RABGAP1L: variants seen among roughly 807,000 people sequenced by gnomAD.
RABGAP1L encodes the protein RAB GTPase activating protein 1 like, also known as rab GTPase-activating protein 1-like.
In RABGAP1L, 63 loss-of-function variants were observed where a neutral mutation model predicts 137.7. The ratio of observed to expected loss-of-function variants is 0.46; its 90% CI spans 0.37 to 0.56. The LOEUF (loss-of-function observed/expected upper bound fraction) is 0.56. Ranked by LOEUF, RABGAP1L falls within the 20% of genes least tolerant of loss-of-function variation. RABGAP1L has a pLI of 0.00. For synonymous variants in RABGAP1L, 431 were observed against 433.7 expected (o/e 0.99, Z 0.08); for missense variants, 1,095 against 1,244.0 (o/e 0.88, Z 1.80).
chr1:174,253,369 A>G (rs1195125360), intron 7 of RABGAP1L, among the ~76,000 whole-genome samples: 1 of 152,216 alleles, frequency 6.6e-6, no homozygotes, highest in East Asian at 1.9e-4. Context: ...AAATGTACGT[A>G]TGTCCTTTTT....
rs188774456 is a variant in RABGAP1L at position 174,189,130 on chromosome 1, C to T, written c.-34+29473C>T. ...ACGCCATTCTCCTGCCTCAGCCTCC[C>T]GAGTAGCTGGGACTACAGGCGCCTG... On this transcript the variant is annotated intron_variant, in intron 1 of 25. Coordinates refer to ENST00000681986, the MANE Select transcript of RABGAP1L (RefSeq NM_001366446.1). 2.2e-4 allele frequency among the ~76,000 whole-genome samples: 33 copies of T among 152,188 alleles called. No homozygotes were observed. The East Asian group carries it at 5.4e-3, about 25-fold the overall frequency.
chr1:174,846,012 G>A (rs1166434602), intron 19 of RABGAP1L, among the ~76,000 whole-genome samples: 1 of 147,318 alleles, frequency 6.8e-6, no homozygotes, highest in African/African-American at 2.5e-5. Context: ...GTTTATTTGT[G>A]TAGAGGTGTT....
intron 13 of RABGAP1L, among the ~76,000 whole-genome samples, chr1:174,560,133 CAG>C (rs1572326844): frequency 7.0e-6 from 1 of 142,398 alleles, no homozygotes; most frequent in Admixed American, 7.0e-5. Flanking sequence ...GACTCTGTCT[CAG>C]AAAAAAAAAA....
intron 19 of RABGAP1L, among the ~76,000 whole-genome samples, chr1:174,907,557 C>T (rs1297870098): frequency 6.6e-6 from 1 of 152,100 alleles, no homozygotes; most frequent in African/African-American, 2.4e-5. Context: ...TCAAATGATC[C>T]ACCCACCTCG....
rs557637619 is a variant in RABGAP1L at position 174,825,980 on chromosome 1, A to G, written c.2340+14020A>G. Among the ~76,000 whole-genome samples, 17 of 152,292 alleles carry G rather than the reference A, an allele frequency of 1.1e-4. No homozygotes were observed. The South Asian group carries it at 3.5e-3, about 32-fold the overall frequency. On this transcript the variant is annotated intron_variant, in intron 19 of 25. Coordinates refer to ENST00000681986, the MANE Select transcript of RABGAP1L (RefSeq NM_001366446.1). ...TGCGAGATGCTGAGGCTTGGAGTACAAAGGAATCTCTCACCCAGATAGTGA... is the reference window on the plus strand; with the variant it reads ...TGCGAGATGCTGAGGCTTGGAGTACGAAGGAATCTCTCACCCAGATAGTGA...
Position 174,241,604 on chromosome 1 carries a change from C to G in RABGAP1L, c.664C>G (p.His222Asp), listed in dbSNP as rs962475461. ...TTGCTTTGCATTTACAGAGAGTTCC[C>G]ATGGTTCGGAAGAATTTCAGATACA... ...SNCFAFTESS[H>D]GSEEFQIHVF... The change falls in exon 5 of 26, where the codon CAT (histidine) becomes GAT (aspartate). Residue 222 changes from histidine (H) to aspartate (D), a missense_variant. Physicochemically the swap from His to Asp is moderately conservative, Grantham distance 81 (BLOSUM62 -1). Coordinates refer to ENST00000681986, the MANE Select transcript of RABGAP1L (RefSeq NM_001366446.1). 6 of 1,613,836 alleles carry G rather than the reference C, an allele frequency of 3.7e-6. No individual in the cohort carries two copies. Among genetic ancestry groups the G allele is most frequent in the Non-Finnish European group, 5.1e-6 (6 of 1,179,928 alleles).
chr1:174,697,087 C>T (rs533978327), intron 15 of RABGAP1L, among the ~76,000 whole-genome samples: 149 of 152,314 alleles, frequency 9.8e-4, no homozygotes, highest in Non-Finnish European at 7.5e-4. Flanking sequence ...GGCACTATAC[C>T]TTTATCTCTG....
At chr1:174,364,253 T>C in intron 11 of RABGAP1L, among the ~76,000 whole-genome samples, 1 of 100,018 alleles carries the variant, frequency 1.0e-5, no homozygotes, top group African/African-American at 4.2e-5. Flanking sequence ...CTTTTTTTTT[T>C]TTTTTTTTTT....
rs187790585 is a variant in RABGAP1L, at chr1:174,768,696, G to C, written c.2211+16342G>C. 1.5e-4 allele frequency among the ~76,000 whole-genome samples: 23 copies of C among 152,308 alleles called. No individual in the cohort carries two copies. In the East Asian group the frequency reaches 4.4e-3, roughly 29 times the overall value. On this transcript the variant is annotated intron_variant, in intron 18 of 25. Coordinates refer to ENST00000681986, the MANE Select transcript of RABGAP1L (RefSeq NM_001366446.1). ...AAGTCAAGGGTCAGACAGTATACTTGAATCTCTCAAGTTGCCTGCTTGGCT... is the reference window on the plus strand; with the variant it reads ...AAGTCAAGGGTCAGACAGTATACTTCAATCTCTCAAGTTGCCTGCTTGGCT...
chr1:174,454,141 T>C (rs910613550), intron 13 of RABGAP1L, among the ~76,000 whole-genome samples: 8 of 152,024 alleles, frequency 5.3e-5, no homozygotes, highest in African/African-American at 1.9e-4. Context: ...CATGCACCTG[T>C]AGTCCCAGCC....
intron 13 of RABGAP1L, among the ~76,000 whole-genome samples, chr1:174,576,860 G>A (rs997492480): frequency 1.3e-5 from 2 of 151,980 alleles, no homozygotes; most frequent in African/African-American, 4.8e-5. Context: ...GCTAAATAAC[G>A]GAGCTATCTT....
intron 1 of RABGAP1L, among the ~76,000 whole-genome samples, chr1:174,185,320 A>G (rs1227949485): frequency 6.6e-6 from 1 of 152,242 alleles, no homozygotes; most frequent in Non-Finnish European, 1.5e-5. Context: ...ACTGAGGTGG[A>G]GAAAAGTGTA....
At chr1:174,913,382 G>A (rs1660357095) in intron 19 of RABGAP1L, among the ~76,000 whole-genome samples, 1 of 152,146 alleles carries the variant, frequency 6.6e-6, no homozygotes, top group South Asian at 2.1e-4. Flanking sequence ...GTGTGAGAAG[G>A]GTAGCAGCAC....
chr1:174,279,593 C>T (rs541832247), intron 10 of RABGAP1L, among the ~76,000 whole-genome samples: 2 of 152,132 alleles, frequency 1.3e-5, no homozygotes, highest in South Asian at 2.1e-4. Context: ...AAAAAACTGC[C>T]ATGGCGCATC....
At chr1:174,431,534 C>T (rs567376213) in intron 13 of RABGAP1L, among the ~76,000 whole-genome samples, 10 of 152,284 alleles carry the variant, frequency 6.6e-5, no homozygotes, top group African/African-American at 2.4e-4. Context: ...TGGCACTTTA[C>T]TCATAGAGCA....
intron 17 of RABGAP1L, among the ~76,000 whole-genome samples, chr1:174,723,308 C>T (rs1442229360): frequency 1.3e-5 from 2 of 152,152 alleles, no homozygotes; most frequent in African/African-American, 4.8e-5. Flanking sequence ...CTCCTGACTT[C>T]AGGTGATCCA....
At chr1:174,774,550 A>AT (rs575961663) in intron 18 of RABGAP1L, among the ~76,000 whole-genome samples, 95 of 148,240 alleles carry the variant, frequency 6.4e-4, no homozygotes, top group Middle Eastern at 3.5e-3. Context: ...ACAAAGGAAG[A>AT]TTTTTTTTTT....
At chr1:174,306,970 CTA>C (rs1431966266) in intron 11 of RABGAP1L, among the ~76,000 whole-genome samples, 1 of 151,974 alleles carries the variant, frequency 6.6e-6, no homozygotes, top group Non-Finnish European at 1.5e-5. Flanking sequence ...CTGTTTTTTT[CTA>C]TGATTGCCAT....
At chr1:174,985,120 C>A (rs2149392927) in intron 24 of RABGAP1L, among the ~76,000 whole-genome samples, 1 of 152,320 alleles carries the variant, frequency 6.6e-6, no homozygotes, top group Admixed American at 6.5e-5. Context: ...TAGGCTCACG[C>A]CTGTCATTCC....
Sources: allele counts gnomAD v4.1 joint callset (sites outside exome capture counted in the v4.1 genomes callset), GRCh38; gene constraint gnomAD v4.1.1; transcripts MANE v1.5; gene names NCBI Gene and HGNC (gene_info 2026-07-23, HGNC 2026-07-21).